The following MYRIP variants were observed in gnomAD, a reference collection of about 807,000 sequenced individuals.
The protein encoded by MYRIP is myosin VIIA and Rab interacting protein.
A neutral mutation model predicts 98.0 loss-of-function variants in MYRIP; 49 were observed. That is an observed-to-expected ratio of 0.50 (90% CI 0.40 to 0.63). The LOEUF (loss-of-function observed/expected upper bound fraction) is 0.63. MYRIP is among the 30% of genes least tolerant of loss of function. The pLI is 0.00. For missense variants in MYRIP, 1,004 were observed against 1,058.2 expected, an observed-to-expected ratio of 0.95 and a Z score of 0.71; for synonymous variants, 404 against 409.5, an observed-to-expected ratio of 0.99 and a Z score of 0.16.
intron 1 of MYRIP, among the ~76,000 whole-genome samples, chr3:39,863,772 A>G (rs1245632516): frequency 6.7e-6 from 1 of 150,252 alleles, no homozygotes; most frequent in African/African-American, 2.4e-5. Context: ...AATTGAGGCA[A>G]GACCCCCTCC....
intron 2 of MYRIP, among the ~76,000 whole-genome samples, chr3:40,022,816 C>G (rs1167888065): frequency 6.6e-6 from 1 of 151,970 alleles, no homozygotes; most frequent in Non-Finnish European, 1.5e-5. Context: ...AAGTTATGCT[C>G]TTTAGGAAAA....
chr3:40,205,594 A>G (rs1186198048), intron 10 of MYRIP, among the ~76,000 whole-genome samples: 1 of 152,180 alleles, frequency 6.6e-6, no homozygotes, highest in Admixed American at 6.6e-5. Context: ...AGATACAGAC[A>G]TTGCTCATAG....
chr3:40,230,829 T>C (rs998957310), intron 11 of MYRIP, among the ~76,000 whole-genome samples: 1 of 151,994 alleles, frequency 6.6e-6, no homozygotes, highest in Non-Finnish European at 1.5e-5. Context: ...TTCTTTTTTT[T>C]TTTTTTGTTT....
chr3:40,077,343 C>CTACCA (rs1948369325), intron 3 of MYRIP, among the ~76,000 whole-genome samples: 1 of 152,196 alleles, frequency 6.6e-6, no homozygotes, highest in Non-Finnish European at 1.5e-5. Flanking sequence ...CCACCCACAT[C>CTACCA]CTGCTGATTG....
At chr3:39,878,816 G>C (rs989321723) in intron 1 of MYRIP, among the ~76,000 whole-genome samples, 3 of 151,768 alleles carry the variant, frequency 2.0e-5, no homozygotes, top group African/African-American at 7.3e-5. Context: ...CAGCACTTTG[G>C]GAGGCTGAGG....
intron 3 of MYRIP, among the ~76,000 whole-genome samples, chr3:40,064,173 C>T (rs1046127018): frequency 1.3e-5 from 2 of 151,826 alleles, no homozygotes; most frequent in South Asian, 2.1e-4. Flanking sequence ...TATGTAGTCC[C>T]GTCAGGTGGA....
intron 2 of MYRIP, among the ~76,000 whole-genome samples, chr3:39,910,324 C>G (rs1461756237): frequency 1.3e-5 from 2 of 152,194 alleles, no homozygotes; most frequent in African/African-American, 2.4e-5. Flanking sequence ...AGTACCAAGG[C>G]AGTACACTGC....
intron 10 of MYRIP, among the ~76,000 whole-genome samples, chr3:40,192,584 T>C (rs1387705950): frequency 1.3e-5 from 2 of 151,776 alleles, no homozygotes; most frequent in Non-Finnish European, 2.9e-5. Context: ...TTTAGCAAAA[T>C]TGGCAACATG....
chr3:40,092,853 C>T (rs780758093), intron 3 of MYRIP, among the ~76,000 whole-genome samples: 2 of 152,216 alleles, frequency 1.3e-5, no homozygotes, highest in Non-Finnish European at 2.9e-5. Flanking sequence ...CCACCACCAG[C>T]TTCTAGAAGC....
At chr3:39,826,929 T>C (rs1028739056) in intron 1 of MYRIP, among the ~76,000 whole-genome samples, 1 of 152,174 alleles carries the variant, frequency 6.6e-6, no homozygotes, top group African/African-American at 2.4e-5. Context: ...TTAAAGTCTG[T>C]TTTACTGATA....
intron 13 of MYRIP, among the ~76,000 whole-genome samples, chr3:40,245,115 T>C (rs1394805102): frequency 1.3e-5 from 2 of 152,278 alleles, no homozygotes; most frequent in Middle Eastern, 3.4e-3. Context: ...TGAAGGAAAT[T>C]GGAAGCATAG....
In MYRIP at chr3:39,893,707, C is replaced by CAT. The variant is rs532804574; in HGVS notation, c.-30-7080_-30-7079insAT. 1.2e-3 allele frequency among the ~76,000 whole-genome samples: 174 copies of CAT among 147,062 alleles called. 1 individual carries two copies. The South Asian group carries it at 0.037, about 31-fold the overall frequency. On this transcript the variant is annotated intron_variant, in intron 1 of 16. Transcript: ENST00000302541. ...ACACACACACACACACACACACACA[C>CAT]GCATGCACACATACATTGTTTAGAA...
chr3:40,237,056 C>A (rs776139319), intron 12 of MYRIP, among the ~76,000 whole-genome samples: 1 of 152,100 alleles, frequency 6.6e-6, no homozygotes, highest in African/African-American at 2.4e-5. Context: ...GTGGCTCACA[C>A]CTGTAATCCC....
intron 2 of MYRIP, among the ~76,000 whole-genome samples, chr3:40,037,238 CT>C (rs1354680887): frequency 6.6e-6 from 1 of 152,086 alleles, no homozygotes; most frequent in Non-Finnish European, 1.5e-5. Flanking sequence ...CAAGGGATGA[CT>C]TTTAATTCTG....
At chr3:39,851,977 C>G (rs1216551646) in intron 1 of MYRIP, among the ~76,000 whole-genome samples, 1 of 152,056 alleles carries the variant, frequency 6.6e-6, no homozygotes, top group African/African-American at 2.4e-5. Flanking sequence ...CTGAGGAGAG[C>G]CATTTGTGGG....
intron 2 of MYRIP, among the ~76,000 whole-genome samples, chr3:40,000,267 A>G (rs1325874689): frequency 1.3e-5 from 2 of 152,214 alleles, no homozygotes; most frequent in Non-Finnish European, 2.9e-5. Flanking sequence ...TACCTTGATT[A>G]TGGCAATTTG....
intron 1 of MYRIP, among the ~76,000 whole-genome samples, chr3:39,836,893 T>C (rs1941644677): frequency 6.6e-6 from 1 of 152,208 alleles, no homozygotes; most frequent in Non-Finnish European, 1.5e-5. Flanking sequence ...TTTTCCTGGT[T>C]GACCTCCCCG....
chr3:40,183,413 T>C (rs1950944023), intron 9 of MYRIP, among the ~76,000 whole-genome samples: 1 of 152,248 alleles, frequency 6.6e-6, no homozygotes, highest in Admixed American at 6.5e-5. Context: ...TTAGAGACTC[T>C]TCAACATGTA....
At chr3:39,819,691 G>A (rs1487685529) in intron 1 of MYRIP, among the ~76,000 whole-genome samples, 1 of 152,188 alleles carries the variant, frequency 6.6e-6, no homozygotes, top group East Asian at 1.9e-4. Context: ...ACCACCAGAG[G>A]GTTAGTGAGG....
Sources: allele counts gnomAD v4.1 joint callset (sites outside exome capture counted in the v4.1 genomes callset), GRCh38; gene constraint gnomAD v4.1.1; transcripts MANE v1.5; gene names NCBI Gene and HGNC (gene_info 2026-07-23, HGNC 2026-07-21).